Variants in PPHLN1 observed in about 807,000 individuals in gnomAD.
PPHLN1 encodes periphilin 1, also known as periphilin-1.
In PPHLN1, 29 loss-of-function variants were observed where a neutral mutation model predicts 51.3. The observed-to-expected ratio is 0.57, with a 90% confidence interval of 0.42 to 0.77. PPHLN1 has a LOEUF of 0.77. Among genes scored for constraint, PPHLN1 ranks in the 30% least tolerant of loss-of-function variants. PPHLN1 has a pLI of 0.00. For missense variants in PPHLN1, 436 were observed against 438.4 expected, an observed-to-expected ratio of 0.99 and a Z score of 0.05; for synonymous variants, 147 against 147.8, an observed-to-expected ratio of 0.99 and a Z score of 0.04.
chr12:42,346,287 CTTTT>C (rs1475992743), intron 2 of PPHLN1, among the ~76,000 whole-genome samples: 1 of 151,870 alleles, frequency 6.6e-6, no homozygotes, highest in Non-Finnish European at 1.5e-5. Flanking sequence ...TATTTGAGCT[CTTTT>C]TTGTTTTTTT....
chr12:42,433,210 C>T (rs2082191221), intron 9 of PPHLN1: 5 of 758,848 alleles, frequency 6.6e-6, no homozygotes, highest in Admixed American at 3.5e-5. Context: ...CCACATGGCT[C>T]TTGGTCATTT....
intron 9 of PPHLN1, among the ~76,000 whole-genome samples, chr12:42,429,436 A>AT (rs2081830081): frequency 6.6e-6 from 1 of 152,116 alleles, no homozygotes; most frequent in South Asian, 2.1e-4. Flanking sequence ...AAACTTCCCT[A>AT]TATTCCAAGA....
intron 5 of PPHLN1, among the ~76,000 whole-genome samples, chr12:42,379,743 A>G (rs957821446): frequency 5.3e-5 from 8 of 152,026 alleles, no homozygotes; most frequent in African/African-American, 1.9e-4. Context: ...ACTACATTTT[A>G]TCTAATTAAC....
chr12:42,441,681 A>G lies in PPHLN1; in HGVS notation c.*172A>G. ...TAAAATAGTCTGTTTAAAATGTTTG[A>G]TTCAAATTTTTGTATTTTTTGTAGA... On this transcript the variant is annotated 3_prime_UTR_variant, in exon 10 of 10. Coordinates refer to ENST00000358314, the MANE Select transcript of PPHLN1 (RefSeq NM_201439.2). 1 of 1,281,390 alleles carries G rather than the reference A, an allele frequency of 7.8e-7. No individual in the cohort carries two copies. Among genetic ancestry groups the G allele is most frequent in the Non-Finnish European group, 1.0e-6 (1 of 1,001,360 alleles). The allele number at this position is 1,281,390 out of a possible 1,614,324, so 79.4% of individuals were successfully genotyped here. A position where few individuals can be genotyped will look rare whatever the true frequency, so the allele number is the denominator to read the frequency against.
chr12:42,352,670 T>TGG (rs1157648013), intron 3 of PPHLN1, among the ~76,000 whole-genome samples: 26 of 151,806 alleles, frequency 1.7e-4, no homozygotes, highest in Non-Finnish European at 2.6e-4. Flanking sequence ...GATGATCAAG[T>TGG]GGGAGGCCCA....
At chr12:42,397,705 A>G (rs2078380163) in intron 8 of PPHLN1, among the ~76,000 whole-genome samples, 2 of 152,052 alleles carry the variant, frequency 1.3e-5, no homozygotes, top group African/African-American at 4.8e-5. Context: ...GTCCCTTAAC[A>G]TATGTAACTC....
At chr12:42,418,990 CA>C (rs1304489643) in intron 9 of PPHLN1, among the ~76,000 whole-genome samples, 2 of 151,940 alleles carry the variant, frequency 1.3e-5, no homozygotes, top group Non-Finnish European at 2.9e-5. Context: ...ATAATTCCCG[CA>C]TTACAAATAA....
chr12:42,348,500 T>C (rs536751949), intron 2 of PPHLN1, among the ~76,000 whole-genome samples: 1 of 152,272 alleles, frequency 6.6e-6, no homozygotes, highest in Non-Finnish European at 1.5e-5. Context: ...CTAAGTGTGA[T>C]TTGAATTTTA....
At chr12:42,445,843 G>A (rs2083285106), downstream of PPHLN1, 111 of 1,136,412 alleles carry the variant, frequency 9.8e-5, 1 homozygote, top group South Asian at 1.7e-3. Flanking sequence ...CTATAGAAAA[G>A]CACTTTGCTA....
intron 1 of PPHLN1, among the ~76,000 whole-genome samples, 158 bp downstream of exon 1, chr12:42,326,387 G>A (rs966665749): frequency 1.3e-5 from 2 of 152,124 alleles, no homozygotes; most frequent in African/African-American, 4.8e-5. Context: ...GAGAGACGCA[G>A]TGGAGTTTGG....
At chr12:42,401,444 T>C (rs2078836614) in intron 9 of PPHLN1, among the ~76,000 whole-genome samples, 1 of 149,220 alleles carries the variant, frequency 6.7e-6, no homozygotes, top group South Asian at 2.1e-4. Flanking sequence ...CCCCTGGGCT[T>C]GTGGACCGCT....
chr12:42,434,914 G>C (rs1427449827), intron 9 of PPHLN1, among the ~76,000 whole-genome samples: 1 of 152,136 alleles, frequency 6.6e-6, no homozygotes, highest in Non-Finnish European at 1.5e-5. Context: ...GGCTGGTCTT[G>C]AACCCTGACC....
At chr12:42,407,305 A>G (rs763497158) in intron 9 of PPHLN1, among the ~76,000 whole-genome samples, 1 of 152,238 alleles carries the variant, frequency 6.6e-6, no homozygotes, top group Non-Finnish European at 1.5e-5. Context: ...ACAGGGTTAC[A>G]GACATGACTG....
At position 42,327,804 on chromosome 12, in the gene PPHLN1, G is replaced by T. The variant is rs188714242; in HGVS notation, c.-21+1575G>T. ...GTCAGTTATTTCTTGAATGATTGCA[G>T]GTGCTGAAGGTATGCTGCAGAGATC... On this transcript the variant is annotated intron_variant, in intron 1 of 9. Coordinates refer to ENST00000358314, the MANE Select transcript of PPHLN1 (RefSeq NM_201439.2). 1.4e-4 allele frequency among the ~76,000 whole-genome samples: 22 copies of T among 152,270 alleles called. No individual in the cohort carries two copies. The East Asian group carries it at 4.0e-3, about 28-fold the overall frequency.
chr12:42,336,710 A>G (rs1013081461), intron 2 of PPHLN1, among the ~76,000 whole-genome samples: 1 of 152,238 alleles, frequency 6.6e-6, no homozygotes, highest in African/African-American at 2.4e-5. Context: ...ACTCCCCAGA[A>G]TTCCCTGTGG....
At chr12:42,438,597 T>C (rs2082676591) in intron 9 of PPHLN1, among the ~76,000 whole-genome samples, 1 of 152,102 alleles carries the variant, frequency 6.6e-6, no homozygotes, top group Admixed American at 6.6e-5. Context: ...GTTTTTTTGT[T>C]TTTTGTTTTT....
At chr12:42,398,648 T>TAAA in intron 8 of PPHLN1, 3 of 346,872 alleles carry the variant, frequency 8.6e-6, no homozygotes, top group Admixed American at 4.5e-5. Flanking sequence ...TGTTCCATAT[T>TAAA]AAAAAAAAAA....
At chr12:42,368,492 G>A (rs528427833) in intron 4 of PPHLN1, among the ~76,000 whole-genome samples, 2 of 152,236 alleles carry the variant, frequency 1.3e-5, no homozygotes, top group South Asian at 4.1e-4. Flanking sequence ...TGTCTGGAGA[G>A]GTTAGGAAAA....
chr12:42,399,397 G>C (rs2078583132), intron 9 of PPHLN1: 2 of 902,298 alleles, frequency 2.2e-6, no homozygotes, highest in East Asian at 1.2e-4. Flanking sequence ...AAATATTAAA[G>C]GAAAAATAAA....
Sources: gnomAD v4.1 joint callset for allele counts (sites outside exome capture counted in the v4.1 genomes callset) on GRCh38, gnomAD v4.1.1 for gene constraint, MANE v1.5 for transcripts, NCBI Gene and HGNC (gene_info 2026-07-23, HGNC 2026-07-21) for gene names.